The following ZFC3H1 variants were observed in gnomAD, a reference collection of about 807,000 sequenced individuals.
The protein encoded by ZFC3H1 is zinc finger C3H1-type containing, also known as zinc finger C3H1 domain-containing protein.
ZFC3H1 carries 71 observed loss-of-function variants against 243.7 expected under a neutral mutation model. That is an observed-to-expected ratio of 0.29 (90% CI 0.24 to 0.36). The LOEUF (loss-of-function observed/expected upper bound fraction) is 0.36. Among genes scored for constraint, ZFC3H1 ranks in the 10% least tolerant of loss-of-function variants. ZFC3H1 has a pLI of 1.00. For synonymous variants in ZFC3H1, 838 were observed against 813.0 expected (o/e 1.03, Z -0.52); for missense variants, 1,966 against 2,317.1 (o/e 0.85, Z 3.11).
At position 71,663,146 on chromosome 12, in the gene ZFC3H1, A is replaced by G. The variant is rs746881672; in HGVS notation, c.465T>C (p.Ser155=). 5.1e-5 allele frequency: 82 copies of G among 1,612,372 alleles called. 1 individual carries two copies. In the South Asian group the frequency reaches 8.2e-4, roughly 16 times the overall value. The stretch of plus-strand genomic sequence containing the variant: ...CCACTCCTCGCCCCCGACTCCAGCG[A>G]CTCCCACCCCGGTAAGGCCTGCCTC... ...RFRGRPYRGG[S]RWSRGRGVGE... is the part of the protein sequence containing the mutation. The change falls in exon 1 of 35, where the codon AGT becomes AGC. Residue 155 remains serine, a synonymous_variant. Transcript: ENST00000378743.
At chr12:71,653,562 T>C (rs1364761465) in intron 2 of ZFC3H1, among the ~76,000 whole-genome samples, 4 of 152,116 alleles carry the variant, frequency 2.6e-5, no homozygotes, top group South Asian at 4.1e-4. Context: ...AAAAGAAATC[T>C]ACAATCAGCA....
intron 22 of ZFC3H1, 64 bp from the exon 23 acceptor site, chr12:71,624,356 T>C (rs1253480806): frequency 7.0e-7 from 1 of 1,435,882 alleles, no homozygotes; most frequent in Non-Finnish European, 9.3e-7. Context: ...CTACAGACTT[T>C]TCACATTTCA....
At chr12:71,660,706 C>A (rs1227896687) in intron 1 of ZFC3H1, among the ~76,000 whole-genome samples, 6 of 152,094 alleles carry the variant, frequency 3.9e-5, no homozygotes, top group Admixed American at 1.3e-4. Flanking sequence ...AACCTTTGAG[C>A]TCCCATAGTA....
intron 20 of ZFC3H1, among the ~76,000 whole-genome samples, chr12:71,628,440 A>C (rs1424262733): frequency 3.9e-5 from 6 of 152,248 alleles, no homozygotes; most frequent in African/African-American, 1.4e-4. Context: ...ATTAGAAAGT[A>C]AAATGTGCCT....
Position 71,610,440 on chromosome 12 carries a change from G to C in ZFC3H1, c.5958C>G (p.Ser1986Arg), listed in dbSNP as rs770987929. Reference protein sequence around the residue: ...LLNLNSNKTESKNH With the variant: ...LLNLNSNKTERKNH ...CTGCACCCAGTGTTCAGTGATTCTT[G>C]CTTTCTGTTTTGTTACTGTTTAAAT... The change falls in exon 35 of 35, where the codon AGC becomes AGG. Residue 1986 changes from serine to arginine, a missense_variant. Coordinates refer to ENST00000378743, the MANE Select transcript of ZFC3H1 (RefSeq NM_144982.5). 6.2e-7 allele frequency: 1 copy of C among 1,613,018 alleles called. No individual in the cohort carries two copies.
chr12:71,647,657 A>C, intron 3 of ZFC3H1, 92 bp downstream of exon 3: 1 of 683,362 alleles, frequency 1.5e-6, no homozygotes, highest in Non-Finnish European at 2.5e-6. Context: ...AAATAAGTGA[A>C]AGTAAGATAG....
intron 2 of ZFC3H1, among the ~76,000 whole-genome samples, chr12:71,648,794 A>G (rs1880795757): frequency 6.6e-6 from 1 of 152,226 alleles, no homozygotes; most frequent in African/African-American, 2.4e-5. Flanking sequence ...GATACATTAG[A>G]AAATAATTCG....
chr12:71,629,468 G>A (rs1057336385), intron 19 of ZFC3H1, 141 bp downstream of exon 19: 48 of 575,870 alleles, frequency 8.3e-5, no homozygotes, highest in Middle Eastern at 4.7e-4. Flanking sequence ...CACCCAGCCT[G>A]GAATGATATG....
chr12:71,654,081 A>G (rs1880957308), intron 2 of ZFC3H1, among the ~76,000 whole-genome samples: 1 of 151,944 alleles, frequency 6.6e-6, no homozygotes, highest in African/African-American at 2.4e-5. Flanking sequence ...AATATCTTTT[A>G]AAAAGAGTAA....
intron 28 of ZFC3H1, 67 bp from the exon 29 acceptor site, chr12:71,615,005 T>C: frequency 1.5e-6 from 2 of 1,367,142 alleles, no homozygotes; most frequent in South Asian, 1.2e-5. Context: ...AATGACAAAG[T>C]ATTTTAAACA....
Position 71,634,908 on chromosome 12 carries a change from C to A in ZFC3H1, c.2239-83G>T, listed in dbSNP as rs142079401. On this transcript the variant is annotated intron_variant, in intron 10 of 34. Coordinates refer to ENST00000378743, the MANE Select transcript of ZFC3H1 (RefSeq NM_144982.5). ...CTAAGATTTATATTTTACATTGCAACCCAGTGTATACTGAATTTATTTAGA... is the reference window on the plus strand; with the variant it reads ...CTAAGATTTATATTTTACATTGCAAACCAGTGTATACTGAATTTATTTAGA... 2.2e-4 allele frequency: 321 copies of A among 1,432,408 alleles called. 2 individuals are homozygous for A. The African/African-American group carries it at 4.2e-3, about 19-fold the overall frequency. 88.7% of individuals were successfully genotyped at this position (1,432,408 alleles called of 1,614,324 possible). A position where few individuals can be genotyped will look rare whatever the true frequency, so the allele number is the denominator to read the frequency against.
chr12:71,619,624 G>A (rs1879975745), intron 26 of ZFC3H1, among the ~76,000 whole-genome samples: 1 of 152,096 alleles, frequency 6.6e-6, no homozygotes, highest in African/African-American at 2.4e-5. Flanking sequence ...TTAACTTCTA[G>A]TATTACCACA....
At position 71,628,957 on chromosome 12, in the gene ZFC3H1, T is replaced by G; in HGVS notation, c.3907A>C (p.Ser1303Arg). 1.2e-6 allele frequency: 2 copies of G among 1,613,166 alleles called. No homozygotes were observed. Among genetic ancestry groups the G allele is most frequent in the Non-Finnish European group, 1.7e-6 (2 of 1,179,750 alleles). The change falls in exon 20 of 35, where the codon AGT (serine) becomes CGT (arginine). Residue 1303 changes from serine to arginine, a missense_variant. By Grantham distance (110) the Ser-to-Arg change is moderately radical. Coordinates refer to ENST00000378743, the MANE Select transcript of ZFC3H1 (RefSeq NM_144982.5). ...CCTGTAGACTGTTCCTCATCACTAC[T>G]GAAGCTATTATCTGAAATAGGTTTT... ...WRKPISDNSFSSDEEQSTGPI... is the reference protein window; with the variant it reads ...WRKPISDNSFRSDEEQSTGPI...
intron 2 of ZFC3H1, among the ~76,000 whole-genome samples, chr12:71,654,067 G>A (rs903339150): frequency 1.3e-5 from 2 of 151,682 alleles, no homozygotes; most frequent in African/African-American, 4.8e-5. Context: ...CTAAACCCAG[G>A]GAAAATATCT....
chr12:71,622,577 C>T (rs778150728), intron 24 of ZFC3H1, among the ~76,000 whole-genome samples: 24 of 152,154 alleles, frequency 1.6e-4, no homozygotes, highest in Non-Finnish European at 2.5e-4. Flanking sequence ...ATTCTCATGC[C>T]TCAGCCTCCC....
chr12:71,614,910 T>G lies in ZFC3H1; in HGVS notation c.5284A>C (p.Lys1762Gln). ...GCCTCATATGCCTCCACTGTTTCTT[T>G]AATACTTGATTGAAGAGGATGACAA... is the stretch of plus-strand genomic sequence containing the variant. ...CLCHPLQSSI[K>Q]ETVEAYEAAL... The change falls in exon 29 of 35, where the codon AAA becomes CAA. Residue 1762 changes from lysine to glutamine, a missense_variant. Physicochemically the swap from Lys to Gln is moderately conservative, Grantham distance 53. Around this residue, in one of 4 missense-constraint regions of ZFC3H1, gnomAD observed 1,383 missense variants for 1,723.7 expected, o/e 0.80. Transcript: ENST00000378743. 1 of 1,613,696 alleles carries G rather than the reference T, an allele frequency of 6.2e-7. No homozygotes were observed. Among genetic ancestry groups the G allele is most frequent in the Non-Finnish European group, 8.5e-7 (1 of 1,179,648 alleles).
At chr12:71,657,337 T>A (rs756878307) in intron 1 of ZFC3H1, 36 bp from the exon 2 acceptor site, 1 of 1,398,914 alleles carries the variant, frequency 7.1e-7, no homozygotes, top group Non-Finnish European at 9.4e-7. Flanking sequence ...TTTCCAAAAA[T>A]TTTCCACAGT....
At position 71,657,292 on chromosome 12, in the gene ZFC3H1, A is replaced by C; in HGVS notation, c.608T>G (p.Phe203Cys). Residue 203 changes from phenylalanine (F) to cysteine (C), a missense_variant, in exon 2 of 35, where the codon TTT (phenylalanine) becomes TGT (cysteine). Around this residue, in one of 4 missense-constraint regions of ZFC3H1, gnomAD observed 484 missense variants for 449.7 expected, o/e 1.08. Coordinates refer to ENST00000378743, the MANE Select transcript of ZFC3H1 (RefSeq NM_144982.5). ...PSPPRKSSKSFGRSPSRKQNY... is the reference protein window; with the variant it reads ...PSPPRKSSKSCGRSPSRKQNY... The stretch of plus-strand genomic sequence containing the variant: ...TTGTTTTCTTGATGGAGACCTTCCA[A>C]AACTTTTGGCTGAACAGCATATTAA... 1.3e-6 allele frequency: 2 copies of C among 1,537,930 alleles called. No individual in the cohort carries two copies. The highest frequency in any genetic ancestry group is 1.7e-6 in the Non-Finnish European group (2 of 1,148,190).
intron 11 of ZFC3H1, 111 bp downstream of exon 11, chr12:71,634,593 G>C: frequency 8.0e-7 from 1 of 1,257,124 alleles, no homozygotes; most frequent in Non-Finnish European, 1.1e-6. Context: ...CATTAACTCT[G>C]TATCTTGGAT....
Sources: allele counts gnomAD v4.1 joint callset (sites outside exome capture counted in the v4.1 genomes callset), GRCh38; gene constraint gnomAD v4.1.1; regional missense constraint gnomAD v4.1.1; transcripts MANE v1.5; gene names NCBI Gene and HGNC (gene_info 2026-07-23, HGNC 2026-07-21).